Variants in PTGFRN observed in about 807,000 individuals in gnomAD.
The protein encoded by PTGFRN is prostaglandin F2 receptor inhibitor, also known as prostaglandin F2 receptor negative regulator.
In PTGFRN, 35 loss-of-function variants were observed where a neutral mutation model predicts 83.2. The ratio of observed to expected loss-of-function variants is 0.42; its 90% confidence interval spans 0.32 to 0.56. The LOEUF (loss-of-function observed/expected upper bound fraction) is 0.56. Among genes scored for constraint, PTGFRN ranks in the 20% least tolerant of loss-of-function variants. The pLI is 0.11. For missense variants in PTGFRN, 1,051 were observed against 1,179.5 expected, an observed-to-expected ratio of 0.89 and a Z score of 1.60; for synonymous variants, 519 against 498.6, an observed-to-expected ratio of 1.04 and a Z score of -0.55.
Position 116,967,230 on chromosome 1 carries a change from C to T in PTGFRN, c.1959C>T (p.Tyr653=). ...YQTQVSDAGL[Y]RCMVTAWSPV... ...CTCAGGTCTCAGACGCAGGGCTGTA[C>T]CGCTGCATGGTGACAGCCTGGTCTC... The change falls in exon 6 of 9, where the codon TAC becomes TAT. Residue 653 remains tyrosine, a synonymous_variant. Transcript: ENST00000393203. The T allele has an allele frequency of 1.9e-6, 3 of 1,614,152 alleles. No homozygotes were observed. The highest frequency in any genetic ancestry group is 2.5e-6 in the Non-Finnish European group (3 of 1,180,006).
chr1:116,960,323 C>A (rs1650615586), intron 4 of PTGFRN, among the ~76,000 whole-genome samples: 1 of 152,250 alleles, frequency 6.6e-6, no homozygotes, highest in South Asian at 2.1e-4. Context: ...GAGAGGAAGC[C>A]ACAAGAGGAT....
intron 1 of PTGFRN, among the ~76,000 whole-genome samples, chr1:116,911,133 G>A (rs10923164): frequency 0.068 from 10,295 of 151,840 alleles, 425 homozygotes; most frequent in East Asian, 0.15. Flanking sequence ...GCCAGCCACG[G>A]AAATATGTTT....
rs1432393411 is a variant in PTGFRN, at chr1:116,986,857, G to A, written c.2530G>A (p.Gly844Arg). ...CGGCGTCGGTCTGTCCACGGTCATC[G>A]GGCTCCTGTCCTGTCTCATCGGGTA... ...LIGVGLSTVI[G>R]LLSCLIGYCS... Residue 844 changes from glycine to arginine, a missense_variant, in exon 9 of 9, where the codon GGG becomes AGG. Around this residue, in one of 3 missense-constraint regions of PTGFRN, gnomAD observed 719 missense variants for 836.6 expected, o/e 0.86. Coordinates refer to ENST00000393203, the MANE Select transcript of PTGFRN (RefSeq NM_020440.4). 6.2e-7 allele frequency: 1 copy of A among 1,614,156 alleles called. No individual in the cohort carries two copies. Among genetic ancestry groups the A allele is most frequent in the Admixed American group, 1.7e-5 (1 of 60,028 alleles).
intron 3 of PTGFRN, among the ~76,000 whole-genome samples, 173 bp downstream of exon 3, chr1:116,945,265 C>T (rs1650169105): frequency 6.6e-6 from 1 of 152,058 alleles, no homozygotes; most frequent in African/African-American, 2.4e-5. Flanking sequence ...TGGAGGTGGG[C>T]GGGGTTACAT....
chr1:116,925,633 TG>T (rs1397082553), intron 1 of PTGFRN, among the ~76,000 whole-genome samples: 2 of 152,194 alleles, frequency 1.3e-5, no homozygotes, highest in Admixed American at 6.5e-5. Context: ...TGAATTTGTC[TG>T]TTTTTTCCTG....
At chr1:116,943,838 G>GA (rs1049452284) in intron 2 of PTGFRN, among the ~76,000 whole-genome samples, 7 of 150,678 alleles carry the variant, frequency 4.6e-5, no homozygotes, top group African/African-American at 7.3e-5. Flanking sequence ...GAATTGGGGG[G>GA]AAAAAAAAAC....
Position 116,967,245 on chromosome 1 carries a change from A to G in PTGFRN, c.1974A>G (p.Thr658=). ...SDAGLYRCMV[T]AWSPVRGSLW... is the part of the protein sequence containing the mutation. ...CAGGGCTGTACCGCTGCATGGTGAC[A>G]GCCTGGTCTCCTGTCAGGGGCAGCC... The change falls in exon 6 of 9, where the codon ACA becomes ACG. Residue 658 remains threonine, a synonymous_variant. Coordinates refer to ENST00000393203, the MANE Select transcript of PTGFRN (RefSeq NM_020440.4). The G allele has an allele frequency of 6.2e-7, 1 of 1,614,244 alleles. No homozygotes were observed. The highest frequency in any genetic ancestry group is 8.5e-7 in the Non-Finnish European group (1 of 1,180,040).
At chr1:116,924,453 G>A (rs1208830603) in intron 1 of PTGFRN, among the ~76,000 whole-genome samples, 1 of 152,148 alleles carries the variant, frequency 6.6e-6, no homozygotes, top group East Asian at 1.9e-4. Context: ...CCTGCATGTA[G>A]TTTTAAAGGC....
At chr1:116,983,454 C>G (rs553986832) in intron 7 of PTGFRN, among the ~76,000 whole-genome samples, 1 of 150,292 alleles carries the variant, frequency 6.7e-6, no homozygotes, top group Non-Finnish European at 1.5e-5. Flanking sequence ...TATGGCACTC[C>G]CTCTGCCCCC....
intron 5 of PTGFRN, among the ~76,000 whole-genome samples, chr1:116,962,931 T>G (rs1301851432): frequency 1.3e-5 from 2 of 152,216 alleles, no homozygotes; most frequent in African/African-American, 2.4e-5. Context: ...CCTTCTTTCA[T>G]TCTCAGAGCT....
At chr1:116,980,018 C>CACAAATTTACAAG (rs1367976855) in intron 7 of PTGFRN, among the ~76,000 whole-genome samples, 7 of 130,392 alleles carry the variant, frequency 5.4e-5, no homozygotes, top group African/African-American at 2.3e-4. Flanking sequence ...CTCAAATTTA[C>CACAAATTTACAAG]AAGAAAAAAA....
intron 1 of PTGFRN, among the ~76,000 whole-genome samples, chr1:116,929,150 T>C (rs1018902547): frequency 2.0e-5 from 3 of 152,346 alleles, no homozygotes; most frequent in Admixed American, 1.3e-4. Context: ...TGCCAGATGC[T>C]CAAGCCAGAA....
At chr1:116,945,439 T>C (rs1218191726) in intron 3 of PTGFRN, among the ~76,000 whole-genome samples, 5 of 152,216 alleles carry the variant, frequency 3.3e-5, no homozygotes, top group Admixed American at 6.5e-5. Context: ...TGGTGTTCAG[T>C]GGAGCTTTGG....
At chr1:116,964,307 C>A (rs1401518709) in intron 5 of PTGFRN, among the ~76,000 whole-genome samples, 1 of 152,124 alleles carries the variant, frequency 6.6e-6, no homozygotes, top group East Asian at 1.9e-4. Flanking sequence ...ATTGGAAAAT[C>A]CTATTGTCAG....
chr1:116,985,193 A>G (rs1310584793), intron 8 of PTGFRN, among the ~76,000 whole-genome samples: 1 of 152,218 alleles, frequency 6.6e-6, no homozygotes, highest in Non-Finnish European at 1.5e-5. Context: ...TAGTGTCACC[A>G]TTGATAAATA....
intron 1 of PTGFRN, among the ~76,000 whole-genome samples, chr1:116,935,018 C>G (rs907869319): frequency 6.6e-6 from 1 of 152,150 alleles, no homozygotes. Flanking sequence ...TTTGTTTCCC[C>G]GTATTGTGAA....
intron 1 of PTGFRN, among the ~76,000 whole-genome samples, chr1:116,936,613 G>C (rs1220210712): frequency 1.3e-5 from 2 of 152,174 alleles, no homozygotes; most frequent in Non-Finnish European, 2.9e-5. Flanking sequence ...GGTATTCCAG[G>C]TGATGGAGGC....
intron 7 of PTGFRN, among the ~76,000 whole-genome samples, chr1:116,976,253 T>G (rs1199678258): frequency 6.6e-6 from 1 of 152,200 alleles, no homozygotes; most frequent in African/African-American, 2.4e-5. Context: ...CTGATTGGTG[T>G]ACCTGAAAGT....
chr1:116,944,987 G>C lies in PTGFRN; in HGVS notation c.727G>C (p.Gly243Arg). The change falls in exon 3 of 9, where the codon GGC (glycine) becomes CGC (arginine). Residue 243 changes from glycine (G) to arginine (R), a missense_variant. This residue lies in a region of PTGFRN where 205 missense variants were observed against 174.5 expected (regional missense o/e 1.17). Coordinates refer to ENST00000393203, the MANE Select transcript of PTGFRN (RefSeq NM_020440.4). ...SVSRALSADQ[G>R]SYRCIVSEWI... is the part of the protein sequence containing the mutation. ...GTCCCGGGCTCTGTCTGCCGACCAG[G>C]GCTCCTACAGGTGTATCGTCAGCGA... 1 of 1,613,858 alleles carries C rather than the reference G, an allele frequency of 6.2e-7. No homozygotes were observed. The highest frequency in any genetic ancestry group is 8.5e-7 in the Non-Finnish European group (1 of 1,180,016).
Sources: gnomAD v4.1 joint callset for allele counts (sites outside exome capture counted in the v4.1 genomes callset) on GRCh38, gnomAD v4.1.1 for gene constraint, gnomAD v4.1.1 regional missense constraint, MANE v1.5 for transcripts, NCBI Gene and HGNC (gene_info 2026-07-23, HGNC 2026-07-21) for gene names.